The following CHKA variants were observed in gnomAD, a reference collection of about 807,000 sequenced individuals.
CHKA encodes choline kinase alpha.
In CHKA, 34 loss-of-function variants were observed where a neutral mutation model predicts 60.1. The ratio of observed to expected loss-of-function variants is 0.57; its 90% CI spans 0.43 to 0.75. CHKA has a LOEUF of 0.75. Among genes scored for constraint, CHKA ranks in the 30% least tolerant of loss-of-function variants. The probability of loss-of-function intolerance (pLI) is 0.00; values close to 1 mark genes in which losing one functional copy is unlikely to be tolerated. For synonymous variants in CHKA, 217 were observed against 223.1 expected, an observed-to-expected ratio of 0.97 and a Z score of 0.24; for missense variants, 563 against 561.3, an observed-to-expected ratio of 1.00 and a Z score of -0.03.
chr11:68,111,734 A>G (rs1858149391), intron 1 of CHKA, among the ~76,000 whole-genome samples: 1 of 152,066 alleles, frequency 6.6e-6, no homozygotes, highest in Non-Finnish European at 1.5e-5. Context: ...GTCTTTTACA[A>G]CAAACCATTT....
chr11:68,062,452 G>A (rs1236855582), intron 10 of CHKA, among the ~76,000 whole-genome samples: 3 of 152,224 alleles, frequency 2.0e-5, no homozygotes, highest in South Asian at 2.1e-4. Flanking sequence ...CTGGAGGCGG[G>A]ATGAAGCTCT....
At chr11:68,108,215 G>A (rs954810152) in intron 1 of CHKA, among the ~76,000 whole-genome samples, 1 of 152,194 alleles carries the variant, frequency 6.6e-6, no homozygotes. Flanking sequence ...CTAATGAGGA[G>A]GGTGAGGTGG....
At chr11:68,081,836 C>G (rs1208569101) in intron 2 of CHKA, 2 of 170,438 alleles carry the variant, frequency 1.2e-5, no homozygotes, top group South Asian at 3.0e-4. Context: ...CTACGTGGTT[C>G]TCTCAAGTCA....
intron 11 of CHKA, among the ~76,000 whole-genome samples, chr11:68,054,921 T>A (rs1254214403): frequency 6.6e-6 from 1 of 152,214 alleles, no homozygotes; most frequent in Non-Finnish European, 1.5e-5. Context: ...CTATACAATA[T>A]GCAGCCTCGT....
Position 68,065,682 on chromosome 11 carries a change from C to T in CHKA, c.1125+104G>A, listed in dbSNP as rs1856418581. 3.8e-6 allele frequency: 3 copies of T among 785,626 alleles called. No individual in the cohort carries two copies. In the African/African-American group the frequency reaches 5.1e-5, roughly 13 times the overall value. 48.7% of individuals were successfully genotyped at this position (785,626 alleles called of 1,614,324 possible). A position where few individuals can be genotyped will look rare whatever the true frequency, so the allele number is the denominator to read the frequency against. On this transcript the variant is annotated intron_variant, in intron 9 of 11. Transcript: ENST00000265689. ...CACTACTGCACTCCAGCCTGGGAAA[C>T]AGAGTGAGACCCTGCCTCAAAAAAT...
chr11:68,116,774 C>T (rs1178347474), intron 1 of CHKA, among the ~76,000 whole-genome samples: 1 of 151,746 alleles, frequency 6.6e-6, no homozygotes, highest in Non-Finnish European at 1.5e-5. Flanking sequence ...ATTTGATAGG[C>T]AGGGACAGAA....
chr11:68,070,774 C>T lies in CHKA; in HGVS notation c.714G>A (p.Met238Ile). The T allele has an allele frequency of 6.2e-7, 1 of 1,613,340 alleles. No individual in the cohort carries two copies. The highest frequency in any genetic ancestry group is 8.5e-7 in the Non-Finnish European group (1 of 1,179,352). ...IAEKMATFHG[M>I]KMPFNKEPKW... ...TTGGTTCCTTATTGAATGGCATTTT[C>T]ATACCATGAAATGTAGCCATTTTCT... Residue 238 changes from methionine (M) to isoleucine (I), a missense_variant, in exon 5 of 12, where the codon ATG becomes ATA. Coordinates refer to ENST00000265689, the MANE Select transcript of CHKA (RefSeq NM_001277.3).
intron 1 of CHKA, among the ~76,000 whole-genome samples, chr11:68,114,355 G>T (rs1858302642): frequency 6.6e-6 from 1 of 152,138 alleles, no homozygotes; most frequent in African/African-American, 2.4e-5. Flanking sequence ...ATATCCAGAT[G>T]ACAGAATACT....
intron 2 of CHKA, among the ~76,000 whole-genome samples, chr11:68,083,393 T>A (rs1444047034): frequency 6.6e-6 from 1 of 152,130 alleles, no homozygotes; most frequent in African/African-American, 2.4e-5. Flanking sequence ...ATCTGATATA[T>A]TACATATTAA....
intron 1 of CHKA, among the ~76,000 whole-genome samples, chr11:68,114,711 A>T (rs974763881): frequency 6.6e-6 from 1 of 151,984 alleles, no homozygotes; most frequent in African/African-American, 2.4e-5. Context: ...AAAAAAAAAA[A>T]AAGAAGAAGA....
chr11:68,096,057 T>G, intron 2 of CHKA, among the ~76,000 whole-genome samples: 1 of 141,438 alleles, frequency 7.1e-6, no homozygotes. Flanking sequence ...AAAAAAAAAA[T>G]TCTACCACAG....
chr11:68,084,385 T>C (rs1857104592), intron 2 of CHKA, among the ~76,000 whole-genome samples: 1 of 130,254 alleles, frequency 7.7e-6, no homozygotes, highest in East Asian at 2.3e-4. Flanking sequence ...TATGTGTATA[T>C]ATATACACAC....
intron 1 of CHKA, among the ~76,000 whole-genome samples, chr11:68,110,324 T>C (rs1263848272): frequency 6.6e-6 from 1 of 152,084 alleles, no homozygotes; most frequent in Admixed American, 6.6e-5. Flanking sequence ...TAAAACTTTG[T>C]AGATGATATG....
chr11:68,079,496 ATT>A (rs1165769030), intron 3 of CHKA, among the ~76,000 whole-genome samples: 3 of 151,386 alleles, frequency 2.0e-5, no homozygotes, highest in African/African-American at 7.3e-5. Flanking sequence ...CGCCTGGCTA[ATT>A]TTTTTTGTAT....
At chr11:68,061,862 C>T (rs528403068) in intron 11 of CHKA, 91 bp downstream of exon 11, 2 of 908,272 alleles carry the variant, frequency 2.2e-6, no homozygotes, top group Non-Finnish European at 3.5e-6. Context: ...CTGTAAGGAA[C>T]AGTCATTTGC....
At chr11:68,096,987 TC>T (rs748308087) in intron 2 of CHKA, 31 bp downstream of exon 2, 13 of 1,460,864 alleles carry the variant, frequency 8.9e-6, no homozygotes, top group Admixed American at 3.5e-5. Context: ...GTTAACAGGA[TC>T]CCCCCCTCCC....
At chr11:68,064,072 T>C (rs1364903960) in intron 10 of CHKA, among the ~76,000 whole-genome samples, 1 of 152,188 alleles carries the variant, frequency 6.6e-6, no homozygotes, top group Non-Finnish European at 1.5e-5. Flanking sequence ...AGTAGCAGAT[T>C]CTATTTTTGA....
At chr11:68,088,930 G>C (rs1256340523) in intron 2 of CHKA, among the ~76,000 whole-genome samples, 3 of 152,130 alleles carry the variant, frequency 2.0e-5, no homozygotes, top group East Asian at 3.8e-4. Flanking sequence ...TAGCTTATGT[G>C]ATTATTTAAT....
At chr11:68,087,257 A>T (rs1329197742) in intron 2 of CHKA, among the ~76,000 whole-genome samples, 1 of 152,142 alleles carries the variant, frequency 6.6e-6, no homozygotes, top group African/African-American at 2.4e-5. Context: ...AGGGGGGCGG[A>T]TCATTTGAGG....
Sources: allele counts gnomAD v4.1 joint callset (sites outside exome capture counted in the v4.1 genomes callset), GRCh38; gene constraint gnomAD v4.1.1; transcripts MANE v1.5; gene names NCBI Gene and HGNC (gene_info 2026-07-23, HGNC 2026-07-21).